VSTM1: variants seen among roughly 807,000 people sequenced by gnomAD.
VSTM1 encodes V-set and transmembrane domain containing 1, also known as V-set and transmembrane domain-containing protein 1.
Under a neutral mutation model 33.1 loss-of-function variants are expected in VSTM1, and 27 were observed. That is an observed-to-expected ratio of 0.82 (90% CI 0.60 to 1.12). The LOEUF is 1.12. Among genes scored for constraint, VSTM1 ranks in the 50% most tolerant of loss-of-function variants. The pLI is 0.00. For synonymous variants in VSTM1, 115 were observed against 110.3 expected, an observed-to-expected ratio of 1.04 and a Z score of -0.27; for missense variants, 304 against 288.9, an observed-to-expected ratio of 1.05 and a Z score of -0.38.
chr19:54,046,416 T>C (rs985351228), intron 4 of VSTM1, among the ~76,000 whole-genome samples: 1 of 152,160 alleles, frequency 6.6e-6, no homozygotes, highest in Non-Finnish European at 1.5e-5. Context: ...GCTAATAATA[T>C]CTAACTTGAA....
At chr19:54,059,559 C>A (rs1429212592) in intron 1 of VSTM1, among the ~76,000 whole-genome samples, 1 of 151,910 alleles carries the variant, frequency 6.6e-6, no homozygotes, top group African/African-American at 2.4e-5. Flanking sequence ...CCTCCTCCAC[C>A]CCCTGGGTTC....
intron 3 of VSTM1, chr19:54,053,110 C>T (rs541983582): frequency 7.1e-6 from 1 of 141,388 alleles, no homozygotes; most frequent in South Asian, 2.2e-4. Flanking sequence ...CCAGTTCAAA[C>T]ACCCACAAGA....
chr19:54,061,787 C>G (rs1182810773), intron 1 of VSTM1, among the ~76,000 whole-genome samples: 1 of 151,818 alleles, frequency 6.6e-6, no homozygotes, highest in African/African-American at 2.4e-5. Flanking sequence ...GCACTCCGGC[C>G]TGGGCAACTG....
At position 54,041,760 on chromosome 19, in the gene VSTM1, C is replaced by T; in HGVS notation, c.591+19G>A. 2 of 1,611,582 alleles carry T rather than the reference C, an allele frequency of 1.2e-6. No individual in the cohort carries two copies. The highest frequency in any genetic ancestry group is 1.7e-6 in the Non-Finnish European group (2 of 1,179,354). On this transcript the variant is annotated intron_variant, in intron 8 of 8. Transcript: ENST00000338372. ...GTGGTGAGGGAGCTCTTGTGGGACT[C>T]CTAAGCGGGAGGACTCACCGAGAGA... is the stretch of plus-strand genomic sequence containing the variant.
At chr19:54,054,907 G>C (rs2071019607) in intron 3 of VSTM1, among the ~76,000 whole-genome samples, 1 of 135,552 alleles carries the variant, frequency 7.4e-6, no homozygotes, top group Non-Finnish European at 1.6e-5. Flanking sequence ...ATGGATAAGT[G>C]AGTGGATGGA....
At chr19:54,044,824 C>T (rs187674048) in intron 4 of VSTM1, among the ~76,000 whole-genome samples, 11 of 152,164 alleles carry the variant, frequency 7.2e-5, no homozygotes, top group Admixed American at 2.0e-4. Context: ...GTTACTAAAG[C>T]TAGGCGACAG....
intron 4 of VSTM1, among the ~76,000 whole-genome samples, chr19:54,042,806 G>GTATATA (rs1203522841): frequency 0.028 from 1,610 of 57,528 alleles, 51 homozygotes; most frequent in Non-Finnish European, 0.036. Context: ...ATATAAATGT[G>GTATATA]TATATATATA....
chr19:54,057,226 T>A (rs1171492545), intron 3 of VSTM1, among the ~76,000 whole-genome samples: 1 of 139,944 alleles, frequency 7.1e-6, no homozygotes, highest in African/African-American at 2.6e-5. Context: ...GGAAAAGAAA[T>A]ACGTGCATCA....
At chr19:54,062,896 C>T (rs1021862271) in intron 1 of VSTM1, among the ~76,000 whole-genome samples, 18 of 152,258 alleles carry the variant, frequency 1.2e-4, no homozygotes, top group East Asian at 1.2e-3. Context: ...GGAGGTGGAG[C>T]TCTGCTGGGT....
At chr19:54,048,205 T>A (rs2070688771) in intron 4 of VSTM1, among the ~76,000 whole-genome samples, 1 of 152,116 alleles carries the variant, frequency 6.6e-6, no homozygotes, top group Non-Finnish European at 1.5e-5. Flanking sequence ...AGCCTCAACC[T>A]CCTGGGCGCA....
intron 4 of VSTM1, among the ~76,000 whole-genome samples, chr19:54,046,350 C>G (rs1370185423): frequency 6.6e-6 from 1 of 152,088 alleles, no homozygotes; most frequent in Non-Finnish European, 1.5e-5. Flanking sequence ...TGTAAATGTT[C>G]CCTTCCCTTT....
At chr19:54,061,011 C>CT (rs1188502785) in intron 1 of VSTM1, among the ~76,000 whole-genome samples, 15 of 121,084 alleles carry the variant, frequency 1.2e-4, no homozygotes, top group Admixed American at 7.9e-4. Context: ...TATTCTTTTT[C>CT]TTTTCTTTTT....
intron 4 of VSTM1, among the ~76,000 whole-genome samples, chr19:54,044,758 G>A (rs550571026): frequency 6.6e-6 from 1 of 152,276 alleles, no homozygotes; most frequent in South Asian, 2.1e-4. Flanking sequence ...TGACTCCTGG[G>A]ATTACAGCAA....
In VSTM1 at chr19:54,043,416, CT is replaced by C. The variant is rs761364397; in HGVS notation, c.395-1048del. The stretch of plus-strand genomic sequence containing the variant: ...ATATGTATATACATGTATATGTTCT[CT>C]TTTTTTTTTTTGAGACAAAGTCTCA... On this transcript the variant is annotated intron_variant, in intron 4 of 8. Coordinates refer to ENST00000338372, the MANE Select transcript of VSTM1 (RefSeq NM_198481.4). 4.6e-3 allele frequency among the ~76,000 whole-genome samples: 671 copies of C among 146,136 alleles called. 2 individuals carry two copies. Among genetic ancestry groups the C allele is most frequent in the African/African-American group, 0.014 (569 of 40,092 alleles).
At chr19:54,052,010 C>T (rs560300453) in intron 3 of VSTM1, among the ~76,000 whole-genome samples, 204 of 152,242 alleles carry the variant, frequency 1.3e-3, no homozygotes, top group Non-Finnish European at 2.4e-3. Flanking sequence ...ATCAACCTGC[C>T]TTGGCCACTC....
rs534490416 is a variant in VSTM1, at chr19:54,059,341, G to A, written c.35-609C>T. ...CTCCCAAAGTGCTGGGATTACAGGC[G>A]TGAGCCACTGCCCCCGGCCCAGCAA... On this transcript the variant is annotated intron_variant, in intron 1 of 8. Coordinates refer to ENST00000338372, the MANE Select transcript of VSTM1 (RefSeq NM_198481.4). Among the ~76,000 whole-genome samples the A allele has an allele frequency of 9.3e-5, 14 of 150,214 alleles. No homozygotes were observed. The East Asian group carries it at 2.6e-3, about 28-fold the overall frequency.
chr19:54,058,610 AATTT>A lies in VSTM1; in HGVS notation c.71-24_71-21del. The stretch of plus-strand genomic sequence containing the variant: ...GTTTCTCTGGAAACAATTCAGAGTT[AATTT>A]GAGTCTAGAATTCAGACGATTAAAG... On this transcript the variant is annotated intron_variant, in intron 2 of 8. Transcript: ENST00000338372. The A allele has an allele frequency of 6.2e-7, 1 of 1,613,140 alleles. No individual in the cohort carries two copies. Among genetic ancestry groups the A allele is most frequent in the Non-Finnish European group, 8.5e-7 (1 of 1,179,376 alleles).
rs895508151 is a variant in VSTM1 at position 54,058,195 on chromosome 19, G to A, written c.355+111C>T. On this transcript the variant is annotated intron_variant, in intron 3 of 8. Coordinates refer to ENST00000338372, the MANE Select transcript of VSTM1 (RefSeq NM_198481.4). ...GCAGAAGTTGCAGTGAGCCGAGATC[G>A]TGCCACTGCACTCCAGCCTGGGAGA... 28 of 1,176,020 alleles carry A rather than the reference G, an allele frequency of 2.4e-5. No individual in the cohort carries two copies. In the African/African-American group the frequency reaches 3.4e-4, roughly 14 times the overall value. 72.8% of individuals were successfully genotyped at this position (1,176,020 alleles called of 1,614,324 possible).
intron 4 of VSTM1, among the ~76,000 whole-genome samples, chr19:54,049,577 C>T (rs928646970): frequency 2.2e-4 from 34 of 152,104 alleles, no homozygotes; most frequent in African/African-American, 8.0e-4. Context: ...TTCTCTTCCT[C>T]CTCCCCCTCA....
Sources: gnomAD v4.1 joint callset for allele counts (sites outside exome capture counted in the v4.1 genomes callset) on GRCh38, gnomAD v4.1.1 for gene constraint, MANE v1.5 for transcripts, NCBI Gene and HGNC (gene_info 2026-07-23, HGNC 2026-07-21) for gene names.